The following XRCC5 variants were observed in gnomAD, a reference collection of about 807,000 sequenced individuals.
XRCC5 encodes DNA repair protein Ku80.
A neutral mutation model predicts 95.7 loss-of-function variants in XRCC5; 12 were observed. The ratio of observed to expected loss-of-function variants is 0.13; its 90% CI spans 0.08 to 0.20. The LOEUF is 0.20. Among genes scored for constraint, XRCC5 ranks in the 10% least tolerant of loss-of-function variants. The pLI, the probability that XRCC5 is intolerant of heterozygous loss-of-function variation, is 1.00. For synonymous variants in XRCC5, 281 were observed against 290.3 expected, an observed-to-expected ratio of 0.97 and a Z score of 0.33; for missense variants, 595 against 873.9, an observed-to-expected ratio of 0.68 and a Z score of 4.02.
chr2:216,192,995 T>C (rs1254579377), intron 18 of XRCC5, among the ~76,000 whole-genome samples: 1 of 152,196 alleles, frequency 6.6e-6, no homozygotes, highest in African/African-American at 2.4e-5. Context: ...CAGCATGACC[T>C]ATTTCATGGC....
At chr2:216,116,559 C>G in intron 2 of XRCC5, 100 bp from the exon 3 acceptor site, 1 of 1,358,652 alleles carries the variant, frequency 7.4e-7, no homozygotes, top group South Asian at 1.2e-5. Context: ...CAGGGACCTG[C>G]CATAGGGAGG....
intron 12 of XRCC5, among the ~76,000 whole-genome samples, chr2:216,139,479 A>C (rs1489311899): frequency 1.3e-5 from 2 of 152,176 alleles, no homozygotes; most frequent in Non-Finnish European, 2.9e-5. Flanking sequence ...TATCATGAGA[A>C]TAGCACAAGA....
chr2:216,138,067 T>C (rs1697116734), intron 11 of XRCC5, 22 bp from the exon 12 acceptor site: 1 of 1,572,018 alleles, frequency 6.4e-7, no homozygotes, highest in Non-Finnish European at 8.7e-7. Flanking sequence ...TTTCTGCTTT[T>C]ACCCCCTTTC....
intron 13 of XRCC5, among the ~76,000 whole-genome samples, chr2:216,146,981 G>C (rs920735343): frequency 6.6e-6 from 1 of 152,094 alleles, no homozygotes; most frequent in African/African-American, 2.4e-5. Context: ...TAAGGAGGAG[G>C]GTTAGATAAT....
intron 18 of XRCC5, among the ~76,000 whole-genome samples, chr2:216,193,381 A>G (rs951961512): frequency 6.6e-6 from 1 of 152,234 alleles, no homozygotes; most frequent in Non-Finnish European, 1.5e-5. Context: ...CTTGTTTAAA[A>G]TACATATTAT....
chr2:216,186,682 A>G (rs1180322321), intron 16 of XRCC5, among the ~76,000 whole-genome samples: 2 of 152,210 alleles, frequency 1.3e-5, no homozygotes, highest in African/African-American at 2.4e-5. Flanking sequence ...ACTAATGAGT[A>G]TTATTGAGTC....
At chr2:216,155,614 T>G (rs1425629088) in intron 14 of XRCC5, among the ~76,000 whole-genome samples, 1 of 152,170 alleles carries the variant, frequency 6.6e-6, no homozygotes, top group Admixed American at 6.5e-5. Context: ...TCTGTAAACA[T>G]GGTAGATCCA....
chr2:216,129,260 A>T (rs1026418938), intron 8 of XRCC5, among the ~76,000 whole-genome samples: 1 of 152,224 alleles, frequency 6.6e-6, no homozygotes, highest in Non-Finnish European at 1.5e-5. Flanking sequence ...TTGGGTTCAA[A>T]GAGCGTAGAA....
intron 16 of XRCC5, among the ~76,000 whole-genome samples, chr2:216,170,149 C>G: frequency 6.7e-6 from 1 of 150,188 alleles, no homozygotes; most frequent in East Asian, 2.0e-4. Context: ...AAGAGGGGGT[C>G]CATTTCATCA....
chr2:216,122,292 C>A, intron 6 of XRCC5, 39 bp downstream of exon 6: 1 of 1,556,354 alleles, frequency 6.4e-7, no homozygotes. Context: ...TTTAATTGTA[C>A]CCACGTAAAT....
chr2:216,150,455 G>T (rs534869301), intron 14 of XRCC5, among the ~76,000 whole-genome samples: 2 of 152,294 alleles, frequency 1.3e-5, no homozygotes, highest in African/African-American at 4.8e-5. Context: ...CAATTTCGTT[G>T]TGCGAATGTC....
At chr2:216,157,531 C>T (rs955777061) in intron 14 of XRCC5, among the ~76,000 whole-genome samples, 1 of 150,832 alleles carries the variant, frequency 6.6e-6, no homozygotes, top group Non-Finnish European at 1.5e-5. Flanking sequence ...CCACGCCCGG[C>T]CAATACAACT....
At chr2:216,173,712 C>T (rs1355620717) in intron 16 of XRCC5, among the ~76,000 whole-genome samples, 2 of 152,160 alleles carry the variant, frequency 1.3e-5, no homozygotes, top group Non-Finnish European at 2.9e-5. Context: ...ATGGAGGCAT[C>T]ATTCTCATGA....
chr2:216,202,851 T>A (rs982142600), intron 19 of XRCC5, among the ~76,000 whole-genome samples: 2 of 152,246 alleles, frequency 1.3e-5, no homozygotes, highest in Admixed American at 1.3e-4. Flanking sequence ...CAGCCTCCAC[T>A]GTTATCACTT....
chr2:216,155,370 A>G (rs1391466360), intron 14 of XRCC5, among the ~76,000 whole-genome samples: 2 of 152,204 alleles, frequency 1.3e-5, no homozygotes, highest in African/African-American at 4.8e-5. Flanking sequence ...TCACAGGAGC[A>G]GAAACTCAGC....
At chr2:216,173,793 G>A (rs1689217240) in intron 16 of XRCC5, among the ~76,000 whole-genome samples, 1 of 152,294 alleles carries the variant, frequency 6.6e-6, no homozygotes, top group East Asian at 1.9e-4. Context: ...TTTCTTCTCT[G>A]TCTCTGGCTT....
chr2:216,133,083 T>C (rs1416064018), intron 10 of XRCC5, among the ~76,000 whole-genome samples: 1 of 152,162 alleles, frequency 6.6e-6, no homozygotes, highest in African/African-American at 2.4e-5. Context: ...CTAGTATAGT[T>C]CTCTTTTTCT....
At chr2:216,128,806 A>G (rs1455334477) in intron 8 of XRCC5, among the ~76,000 whole-genome samples, 1 of 152,222 alleles carries the variant, frequency 6.6e-6, no homozygotes, top group East Asian at 1.9e-4. Context: ...CGACCATCTT[A>G]TAAAGCAGGC....
intron 7 of XRCC5, among the ~76,000 whole-genome samples, chr2:216,126,557 G>A (rs933520148): frequency 6.6e-6 from 1 of 152,180 alleles, no homozygotes; most frequent in Non-Finnish European, 1.5e-5. Context: ...TGCTTTTGGT[G>A]ATTATTTGAT....
Sources: gnomAD v4.1 joint callset for allele counts (sites outside exome capture counted in the v4.1 genomes callset) on GRCh38, gnomAD v4.1.1 for gene constraint, MANE v1.5 for transcripts, NCBI Gene and HGNC (gene_info 2026-07-23, HGNC 2026-07-21) for gene names.